Variants in GFPT2 observed in about 807,000 individuals in gnomAD.
GFPT2 encodes the protein glutamine--fructose-6-phosphate transaminase 2, also known as glutamine--fructose-6-phosphate aminotransferase [isomerizing] 2.
Under a neutral mutation model 85.6 loss-of-function variants are expected in GFPT2, and 62 were observed. That is an observed-to-expected ratio of 0.72 (90% confidence interval 0.59 to 0.90). The LOEUF is 0.90. GFPT2 is among the 40% of genes least tolerant of loss of function. The pLI is 0.00. For missense variants in GFPT2, 788 were observed against 893.4 expected (o/e 0.88, Z 1.50); for synonymous variants, 368 against 344.5 (o/e 1.07, Z -0.75).
chr5:180,302,422 C>T lies in GFPT2; in HGVS notation c.2004+1G>A, dbSNP rs745564182. On this transcript the variant is annotated splice_donor_variant, in intron 18 of 18. Transcript: ENST00000253778. LOFTEE classifies it high-confidence loss of function. ...CTGTTAGGTGCAGTTTTTAGACGCA[C>T]GTCATATCCTCGGAGAACAGCCAGG... is the stretch of plus-strand genomic sequence containing the variant. The T allele has an allele frequency of 9.3e-6, 15 of 1,612,562 alleles. No homozygotes were observed. Among genetic ancestry groups the T allele is most frequent in the African/African-American group, 1.3e-5 (1 of 75,034 alleles).
At chr5:180,336,135 T>C in intron 3 of GFPT2, 182 bp from the exon 4 acceptor site, 4 of 588,422 alleles carry the variant, frequency 6.8e-6, no homozygotes, top group Non-Finnish European at 8.9e-6. Flanking sequence ...TATTTACTAC[T>C]TGTCTGTAGC....
chr5:180,328,498 G>A lies in GFPT2; in HGVS notation c.535-160C>T, dbSNP rs928082604. On this transcript the variant is annotated intron_variant, in intron 6 of 18. Coordinates refer to ENST00000253778, the MANE Select transcript of GFPT2 (RefSeq NM_005110.4). This position sits in a 1 kb window ranked among gnomAD's most constrained non-coding sequence, Gnocchi z 5.4. ...AACAGCGCATCCGGGGTGACATCAC[G>A]AGGGAAAGCAAAACAGACGGTGCCA... Among the ~76,000 whole-genome samples, 16 of 152,200 alleles carry A rather than the reference G, an allele frequency of 1.1e-4. No homozygotes were observed. Among genetic ancestry groups the A allele is most frequent in the Non-Finnish European group, 2.1e-4 (14 of 68,038 alleles).
chr5:180,318,930 A>ACCCGGTTGGTGTGC lies in GFPT2; in HGVS notation c.807_820dup (p.Val274GlyfsTer50). The ACCCGGTTGGTGTGC allele has an allele frequency of 6.2e-7, 1 of 1,613,038 alleles. No individual in the cohort carries two copies. The highest frequency in any genetic ancestry group is 8.5e-7 in the Non-Finnish European group (1 of 1,179,980). Reference sequence around the variant, plus strand: ...GATGTCATCGTCCTCCAGGAAGATGACCCGGTTGGTGTGCTCTATGATAGC... The same window carrying ACCCGGTTGGTGTGC: ...GATGTCATCGTCCTCCAGGAAGATGACCCGGTTGGTGTGCCCCGGTTGGTGTGCTCTATGATAGC... On this transcript the variant is annotated frameshift_variant, in exon 10 of 19. Coordinates refer to ENST00000253778, the MANE Select transcript of GFPT2 (RefSeq NM_005110.4). LOFTEE classifies it high-confidence loss of function. This position sits in a 1 kb window ranked among gnomAD's most constrained non-coding sequence, Gnocchi z 4.2.
intron 17 of GFPT2, among the ~76,000 whole-genome samples, chr5:180,303,899 T>C (rs1763728258): frequency 6.6e-6 from 1 of 152,170 alleles, no homozygotes; most frequent in Admixed American, 6.5e-5. Flanking sequence ...CAGGATGGCG[T>C]CTGGCCCTGC....
chr5:180,327,833 C>T (rs183624289), intron 7 of GFPT2, among the ~76,000 whole-genome samples: 1 of 152,292 alleles, frequency 6.6e-6, no homozygotes, highest in East Asian at 1.9e-4. Context: ...GAAGGTGAAG[C>T]TTGAGCCCCG....
intron 9 of GFPT2, among the ~76,000 whole-genome samples, chr5:180,319,921 A>C (rs1450364947): frequency 6.6e-6 from 1 of 152,156 alleles, no homozygotes; most frequent in Non-Finnish European, 1.5e-5. Flanking sequence ...ACACACACAC[A>C]CACATACACA....
Position 180,323,792 on chromosome 5 carries a change from T to C in GFPT2, c.794+396A>G, listed in dbSNP as rs1561877925. Among the ~76,000 whole-genome samples, 1 of 152,210 alleles carries C rather than the reference T, an allele frequency of 6.6e-6. No individual in the cohort carries two copies. Among genetic ancestry groups the C allele is most frequent in the Non-Finnish European group, 1.5e-5 (1 of 68,040 alleles). ...TGTCTCATCTAAAGGGGGCAGCCTT[T>C]GAGCAGATCCAGACACCTGCCACCT... is the stretch of plus-strand genomic sequence containing the variant. On this transcript the variant is annotated intron_variant, in intron 9 of 18. Coordinates refer to ENST00000253778, the MANE Select transcript of GFPT2 (RefSeq NM_005110.4). This position sits in a 1 kb window ranked among gnomAD's most constrained non-coding sequence, Gnocchi z 4.0.
intron 4 of GFPT2, among the ~76,000 whole-genome samples, chr5:180,332,414 G>C (rs1764321766): frequency 6.6e-6 from 1 of 152,246 alleles, no homozygotes; most frequent in Non-Finnish European, 1.5e-5. Context: ...CTAGAGGACA[G>C]AAAGATTCCC....
At chr5:180,311,124 T>C (rs1763873226) in intron 15 of GFPT2, among the ~76,000 whole-genome samples, 1 of 152,206 alleles carries the variant, frequency 6.6e-6, no homozygotes, top group Admixed American at 6.5e-5. Flanking sequence ...AACTGCCTGC[T>C]CTGGGGTTTG....
intron 14 of GFPT2, among the ~76,000 whole-genome samples, chr5:180,312,988 G>T (rs1763924849): frequency 6.6e-6 from 1 of 151,970 alleles, no homozygotes; most frequent in Non-Finnish European, 1.5e-5. Flanking sequence ...TGTTAGCCAG[G>T]ATGGTCTCAA....
chr5:180,315,182 T>TTTTC (rs1472102302), intron 13 of GFPT2, among the ~76,000 whole-genome samples: 1 of 133,982 alleles, frequency 7.5e-6, no homozygotes, highest in Admixed American at 7.8e-5. Flanking sequence ...TTTCTTTTTC[T>TTTTC]TTTTTTTTTT....
At chr5:180,331,431 C>CT in intron 5 of GFPT2, 64 bp downstream of exon 5, 1 of 948,480 alleles carries the variant, frequency 1.1e-6, no homozygotes, top group Non-Finnish European at 1.7e-6. Flanking sequence ...AATGAGCTGG[C>CT]TGGAAAGTTT....
chr5:180,334,442 C>A (rs1287723855), intron 4 of GFPT2, among the ~76,000 whole-genome samples: 1 of 152,198 alleles, frequency 6.6e-6, no homozygotes, highest in Admixed American at 6.5e-5. Context: ...CACTGATCAG[C>A]AGTGGGTGGG....
At chr5:180,336,666 C>T in intron 2 of GFPT2, 89 bp from the exon 3 acceptor site, 2 of 855,472 alleles carry the variant, frequency 2.3e-6, no homozygotes, top group Non-Finnish European at 4.1e-6. Flanking sequence ...GGGCTGCATG[C>T]CCCGGGCTGT....
Position 180,316,467 on chromosome 5 carries a change from G to A in GFPT2, c.1153-6C>T, listed in dbSNP as rs1260863388. ...TCCTCCAAAACTTGCCGCGTCTGAAGCCAACAAGCAAGCATGGAGACTAAA... is the reference window on the plus strand; with the variant it reads ...TCCTCCAAAACTTGCCGCGTCTGAAACCAACAAGCAAGCATGGAGACTAAA... On this transcript the variant is annotated splice_region_variant and splice_polypyrimidine_tract_variant and intron_variant, in intron 12 of 18. Coordinates refer to ENST00000253778, the MANE Select transcript of GFPT2 (RefSeq NM_005110.4). 1 of 1,614,086 alleles carries A rather than the reference G, an allele frequency of 6.2e-7. No individual in the cohort carries two copies. Among genetic ancestry groups the A allele is most frequent in the Non-Finnish European group, 8.5e-7 (1 of 1,179,936 alleles).
chr5:180,321,792 GTTT>G (rs1764126246), intron 9 of GFPT2, among the ~76,000 whole-genome samples: 1 of 152,096 alleles, frequency 6.6e-6, no homozygotes, highest in African/African-American at 2.4e-5. Flanking sequence ...GTTTTGTTTT[GTTT>G]TGTTTTGAGA....
intron 7 of GFPT2, among the ~76,000 whole-genome samples, chr5:180,326,129 A>T (rs1317003553): frequency 6.6e-6 from 1 of 152,252 alleles, no homozygotes; most frequent in Non-Finnish European, 1.5e-5. Flanking sequence ...TAGCATGCAA[A>T]TAAAATCTAC....
In GFPT2 at chr5:180,353,164, C is replaced by T. The variant is rs1764751057; in HGVS notation, c.7+47G>A. 2.4e-6 allele frequency: 3 copies of T among 1,229,042 alleles called. No homozygotes were observed. In the East Asian group the frequency reaches 9.5e-5, roughly 39 times the overall value. 76.1% of individuals were successfully genotyped at this position (1,229,042 alleles called of 1,614,324 possible). A position where few individuals can be genotyped will look rare whatever the true frequency, so the allele number is the denominator to read the frequency against. On this transcript the variant is annotated intron_variant, in intron 1 of 18. Transcript: ENST00000253778. ...GCGCGGAGAGGCTGCGGCGCCGGGA[C>T]CCGCGGACGGCGTGGAGGAGGCGGC...
rs188700587 is a variant in GFPT2, at chr5:180,329,080, C to A, written c.535-742G>T. 1.2e-3 allele frequency among the ~76,000 whole-genome samples: 189 copies of A among 152,318 alleles called. 1 individual carries two copies. The highest frequency in any genetic ancestry group is 2.6e-4 in the Non-Finnish European group (18 of 68,036). On this transcript the variant is annotated intron_variant, in intron 6 of 18. Coordinates refer to ENST00000253778, the MANE Select transcript of GFPT2 (RefSeq NM_005110.4). The stretch of plus-strand genomic sequence containing the variant: ...AAATTCTTGGTGTAAATTCTTCCCC[C>A]ACGTCCTGACCATCCTGTACTAACT...
Sources: gnomAD v4.1 joint callset for allele counts (sites outside exome capture counted in the v4.1 genomes callset) on GRCh38, gnomAD v4.1.1 for gene constraint, Gnocchi (gnomAD v3.1) non-coding constraint, MANE v1.5 for transcripts, NCBI Gene and HGNC (gene_info 2026-07-23, HGNC 2026-07-21) for gene names.